Variants in ART3 observed in about 807,000 individuals in gnomAD.
The protein encoded by ART3 is ADP-ribosyltransferase 3 (inactive).
ART3 carries 49 observed loss-of-function variants against 48.5 expected under a neutral mutation model. That is an observed-to-expected ratio of 1.01 (90% confidence interval 0.80 to 1.28). The LOEUF is 1.28. Among genes scored for constraint, ART3 ranks in the 50% most tolerant of loss-of-function variants. The pLI, the probability that ART3 is intolerant of heterozygous loss-of-function variation, is 0.00. For synonymous variants in ART3, 145 were observed against 157.2 expected (o/e 0.92, Z 0.58); for missense variants, 438 against 454.3 (o/e 0.96, Z 0.33).
intron 1 of ART3, among the ~76,000 whole-genome samples, chr4:76,047,726 C>A (rs184949721): frequency 6.6e-6 from 1 of 152,038 alleles, no homozygotes; most frequent in Non-Finnish European, 1.5e-5. Context: ...AGCTGTCATT[C>A]CATCATTTAC....
intron 11 of ART3, 102 bp downstream of exon 11, chr4:76,107,895 GTTT>G (rs1728780443): frequency 1.1e-6 from 1 of 942,192 alleles, no homozygotes; most frequent in South Asian, 1.8e-5. Context: ...AAGTTGCAAG[GTTT>G]TAAGGCATCT....
At chr4:76,076,006 T>A in intron 2 of ART3, 48 bp downstream of exon 2, 1 of 1,301,290 alleles carries the variant, frequency 7.7e-7, no homozygotes, top group Non-Finnish European at 1.1e-6. Context: ...GGAAATTCGT[T>A]TTTTTTTTTT....
intron 1 of ART3, among the ~76,000 whole-genome samples, chr4:76,025,001 C>G (rs1733245536): frequency 6.6e-6 from 1 of 152,126 alleles, no homozygotes; most frequent in African/African-American, 2.4e-5. Flanking sequence ...TGCTAGAGAG[C>G]TGAATCCCAT....
At chr4:76,087,455 C>T (rs1723855752) in intron 3 of ART3, among the ~76,000 whole-genome samples, 1 of 151,972 alleles carries the variant, frequency 6.6e-6, no homozygotes, top group Non-Finnish European at 1.5e-5. Context: ...AGAACAATGG[C>T]CAAGTGTTTT....
intron 1 of ART3, among the ~76,000 whole-genome samples, chr4:76,050,381 G>A (rs72507546): frequency 1.9e-4 from 29 of 151,920 alleles, no homozygotes; most frequent in African/African-American, 2.9e-4. Context: ...ACAGAGTGTC[G>A]ACACAAAGGT....
chr4:76,101,499 G>A (rs1427695894), intron 8 of ART3, among the ~76,000 whole-genome samples: 4 of 152,156 alleles, frequency 2.6e-5, no homozygotes, highest in Non-Finnish European at 5.9e-5. Context: ...CGGGCGGGGT[G>A]GCTCACGCCT....
chr4:76,014,309 G>A (rs1732067581), intron 1 of ART3, among the ~76,000 whole-genome samples: 1 of 151,852 alleles, frequency 6.6e-6, no homozygotes, highest in African/African-American at 2.4e-5. Context: ...AAAACAAAAG[G>A]AAACAAGACA....
At chr4:76,101,150 G>A (rs1346583397) in intron 8 of ART3, 131 bp downstream of exon 8, 2 of 1,034,610 alleles carry the variant, frequency 1.9e-6, no homozygotes, top group Non-Finnish European at 2.9e-6. Context: ...TACTGGTTTG[G>A]TATATTAGAG....
intron 2 of ART3, among the ~76,000 whole-genome samples, chr4:76,078,439 G>A (rs1377520536): frequency 6.6e-6 from 1 of 152,088 alleles, no homozygotes; most frequent in African/African-American, 2.4e-5. Flanking sequence ...GCTGCACTCT[G>A]GTACATTCTG....
chr4:76,081,698 C>A, intron 2 of ART3, 126 bp from the exon 3 acceptor site: 1 of 902,744 alleles, frequency 1.1e-6, no homozygotes, highest in Non-Finnish European at 1.7e-6. Flanking sequence ...AAAACCTACC[C>A]AAAATTGGTT....
At chr4:76,016,234 G>C (rs1732244503) in intron 1 of ART3, among the ~76,000 whole-genome samples, 1 of 152,160 alleles carries the variant, frequency 6.6e-6, no homozygotes, top group South Asian at 2.1e-4. Flanking sequence ...CATATTTCCA[G>C]ATATTTGAAG....
chr4:76,082,473 A>G lies in ART3; in HGVS notation c.719A>G (p.Asn240Ser). 1 of 1,612,388 alleles carries G rather than the reference A, an allele frequency of 6.2e-7. No homozygotes were observed. The highest frequency in any genetic ancestry group is 8.5e-7 in the Non-Finnish European group (1 of 1,179,500). ...CAAGTGTCACAGGAGGGGGCTGGCA[A>G]TAACCTTATCCTTCAAAGCATAAAC... is the stretch of plus-strand genomic sequence containing the variant. ...VFQVSQEGAG[N>S]NLILQSINKT... is the part of the protein sequence containing the mutation. The change falls in exon 3 of 12, where the codon AAT (asparagine) becomes AGT (serine). Residue 240 changes from asparagine (N) to serine (S), a missense_variant. By Grantham distance (46) the Asn-to-Ser change is conservative (BLOSUM62 1). Coordinates refer to ENST00000355810, the MANE Select transcript of ART3 (RefSeq NM_001130016.3).
At chr4:76,061,755 C>T (rs752301477) in intron 1 of ART3, among the ~76,000 whole-genome samples, 3 of 152,174 alleles carry the variant, frequency 2.0e-5, no homozygotes, top group Non-Finnish European at 4.4e-5. Flanking sequence ...CTTGTACATA[C>T]TTTTTTATCT....
chr4:76,064,971 A>G (rs1488118453), intron 1 of ART3, among the ~76,000 whole-genome samples: 2 of 152,000 alleles, frequency 1.3e-5, no homozygotes, highest in Non-Finnish European at 1.5e-5. Flanking sequence ...AGCTGGGATT[A>G]CAGGCACCTG....
intron 3 of ART3, among the ~76,000 whole-genome samples, chr4:76,088,375 G>A (rs189103379): frequency 6.6e-6 from 1 of 151,862 alleles, no homozygotes; most frequent in Non-Finnish European, 1.5e-5. Flanking sequence ...AGGGAATATT[G>A]TTCCCTGGCT....
At chr4:76,094,747 A>T (rs1725638218) in intron 3 of ART3, among the ~76,000 whole-genome samples, 1 of 152,120 alleles carries the variant, frequency 6.6e-6, no homozygotes, top group South Asian at 2.1e-4. Context: ...AACACATATA[A>T]TCTGATCAGC....
chr4:76,034,084 T>C (rs1191236344), intron 1 of ART3: 1 of 183,920 alleles, frequency 5.4e-6, no homozygotes, highest in Non-Finnish European at 1.1e-5. Context: ...CTTTTGCCAG[T>C]ATCCCATAGC....
chr4:76,090,455 CAGAG>C, intron 3 of ART3, among the ~76,000 whole-genome samples: 1 of 152,282 alleles, frequency 6.6e-6, no homozygotes, highest in South Asian at 2.1e-4. Flanking sequence ...GCCTTGTTGC[CAGAG>C]ATTCTAATCA....
intron 1 of ART3, among the ~76,000 whole-genome samples, chr4:76,061,227 T>A (rs1719184694): frequency 6.6e-6 from 1 of 152,210 alleles, no homozygotes; most frequent in South Asian, 2.1e-4. Context: ...GATAAAACTC[T>A]TTTCCCTAAA....
Sources: allele counts gnomAD v4.1 joint callset (sites outside exome capture counted in the v4.1 genomes callset), GRCh38; gene constraint gnomAD v4.1.1; transcripts MANE v1.5; gene names NCBI Gene and HGNC (gene_info 2026-07-23, HGNC 2026-07-21).